RC3H1: variants seen among roughly 807,000 people sequenced by gnomAD.
RC3H1 encodes the protein roquin-1.
In RC3H1, 50 loss-of-function variants were observed where a neutral mutation model predicts 138.2. The observed-to-expected ratio is 0.36, with a 90% CI of 0.29 to 0.46. The LOEUF (loss-of-function observed/expected upper bound fraction) is 0.46, where lower values mean the gene tolerates loss of function less well. Among genes scored for constraint, RC3H1 ranks in the 20% least tolerant of loss-of-function variants. The pLI, the probability that RC3H1 is intolerant of heterozygous loss-of-function variation, is 1.00. For missense variants in RC3H1, 1,031 were observed against 1,388.1 expected, an observed-to-expected ratio of 0.74 and a Z score of 4.09; for synonymous variants, 462 against 489.1, an observed-to-expected ratio of 0.94 and a Z score of 0.73.
intron 2 of RC3H1, among the ~76,000 whole-genome samples, chr1:173,988,231 C>A (rs568795495): frequency 6.6e-6 from 1 of 151,922 alleles, no homozygotes; most frequent in African/African-American, 2.4e-5. Context: ...CCAATTCTAT[C>A]CTCCCTCCCT....
chr1:173,958,763 T>C (rs1382617709), intron 13 of RC3H1, among the ~76,000 whole-genome samples: 1 of 152,108 alleles, frequency 6.6e-6, no homozygotes, highest in African/African-American at 2.4e-5. Context: ...ATTATGGTTA[T>C]TGCCCTGTGA....
At chr1:174,010,500 G>A (rs146438643) in intron 1 of RC3H1, among the ~76,000 whole-genome samples, 10,893 of 151,958 alleles carry the variant, frequency 0.072, 1,353 homozygotes, top group African/African-American at 0.25. Flanking sequence ...CTGCAGCCTC[G>A]ACCTCCCAGG....
chr1:173,962,012 A>C lies in RC3H1; in HGVS notation c.1915T>G (p.Leu639Val), dbSNP rs1210454826. ...PSAPEPAPPY[L>V]DHYPPYLQER... Reference sequence around the variant, plus strand: ...TGGAGGTAGGGTGGATAATGATCCAAGTAGGGAGGAGCAGGTTCAGGAGCA... The same window carrying C: ...TGGAGGTAGGGTGGATAATGATCCACGTAGGGAGGAGCAGGTTCAGGAGCA... Residue 639 changes from leucine to valine, a missense_variant, in exon 12 of 20, where the codon TTG becomes GTG. Physicochemically the swap from Leu to Val is conservative, Grantham distance 32. Around this residue, in one of 7 missense-constraint regions of RC3H1, gnomAD observed 716 missense variants for 837.9 expected, o/e 0.85. Coordinates refer to ENST00000367696, the MANE Select transcript of RC3H1 (RefSeq NM_172071.4). 9.3e-6 allele frequency: 15 copies of C among 1,613,994 alleles called. No individual in the cohort carries two copies. Among genetic ancestry groups the C allele is most frequent in the Non-Finnish European group, 1.2e-5 (14 of 1,180,030 alleles).
intron 4 of RC3H1, 117 bp downstream of exon 4, chr1:173,983,301 A>G (rs1157820841): frequency 1.4e-5 from 18 of 1,249,348 alleles, no homozygotes; most frequent in Non-Finnish European, 1.6e-5. Flanking sequence ...ATCAAACAAG[A>G]TATTAGTTGG....
At chr1:173,961,340 T>C (rs1394038188) in intron 12 of RC3H1, 96 bp from the exon 13 acceptor site, 1 of 1,067,922 alleles carries the variant, frequency 9.4e-7, no homozygotes. Flanking sequence ...ATGAAACAGC[T>C]TGTATACCCT....
intron 13 of RC3H1, among the ~76,000 whole-genome samples, chr1:173,957,506 T>C (rs539044598): frequency 1.3e-5 from 2 of 152,212 alleles, no homozygotes; most frequent in African/African-American, 4.8e-5. Flanking sequence ...AGTTCCAGGG[T>C]GTACTCTAAT....
At chr1:173,998,929 T>C (rs777110793) in intron 1 of RC3H1, among the ~76,000 whole-genome samples, 12 of 151,720 alleles carry the variant, frequency 7.9e-5, no homozygotes, top group Non-Finnish European at 1.5e-4. Flanking sequence ...CTTGTCTCTA[T>C]AAGCAAAATA....
intron 1 of RC3H1, among the ~76,000 whole-genome samples, chr1:174,015,331 T>G (rs991055126): frequency 6.6e-6 from 1 of 151,718 alleles, no homozygotes; most frequent in African/African-American, 2.4e-5. Flanking sequence ...AGCTAAGAAT[T>G]TAGTGATTCT....
At position 173,943,468 on chromosome 1, in the gene RC3H1, C is replaced by G. The variant is rs765577379; in HGVS notation, c.3109G>C (p.Gly1037Arg). The G allele has an allele frequency of 1.1e-5, 18 of 1,613,842 alleles. No homozygotes were observed. The highest frequency in any genetic ancestry group is 1.5e-5 in the Non-Finnish European group (18 of 1,179,848). ...ATACTCAGTTCCCGTGTTCTCTTCC[C>G]GATTTCCCTTTCCACCTGGTGCAGT... is the stretch of plus-strand genomic sequence containing the variant. ...LELHQVEREI[G>R]KRTRELSMEN... The change falls in exon 18 of 20, where the codon GGG (glycine) becomes CGG (arginine). Residue 1037 changes from glycine to arginine, a missense_variant. Gly to Arg is a moderately radical substitution (Grantham distance 125). Around this residue, in one of 7 missense-constraint regions of RC3H1, gnomAD observed 716 missense variants for 837.9 expected, o/e 0.85. Coordinates refer to ENST00000367696, the MANE Select transcript of RC3H1 (RefSeq NM_172071.4).
At chr1:173,984,125 C>T (rs568344066) in intron 3 of RC3H1, among the ~76,000 whole-genome samples, 1 of 152,236 alleles carries the variant, frequency 6.6e-6, no homozygotes, top group South Asian at 2.1e-4. Context: ...GAAGGCAAAC[C>T]ATTCAGAATT....
chr1:173,950,900 G>T (rs1452783372), intron 14 of RC3H1, among the ~76,000 whole-genome samples: 2 of 151,898 alleles, frequency 1.3e-5, no homozygotes, highest in African/African-American at 4.8e-5. Flanking sequence ...GCTGGGTGTG[G>T]TAGCAAGCAC....
intron 1 of RC3H1, among the ~76,000 whole-genome samples, chr1:174,001,228 A>C (rs1287706611): frequency 6.6e-6 from 1 of 152,218 alleles, no homozygotes; most frequent in Non-Finnish European, 1.5e-5. Context: ...AGAAGTAGTA[A>C]GAAAGGACAA....
intron 1 of RC3H1, among the ~76,000 whole-genome samples, chr1:174,006,895 A>C (rs1661661739): frequency 6.6e-6 from 1 of 152,210 alleles, no homozygotes; most frequent in South Asian, 2.1e-4. Flanking sequence ...AAGATGAAGT[A>C]TAACATACAT....
intron 1 of RC3H1, among the ~76,000 whole-genome samples, chr1:174,008,976 GAAAAAAAAAA>G (rs59047478): frequency 1.2e-5 from 1 of 84,242 alleles, no homozygotes; most frequent in African/African-American, 3.8e-5. Flanking sequence ...GACTTTGTCT[GAAAAAAAAAA>G]AAAAAAAAAA....
At chr1:173,952,695 T>G (rs908596564) in intron 13 of RC3H1, among the ~76,000 whole-genome samples, 11 of 152,194 alleles carry the variant, frequency 7.2e-5, no homozygotes, top group African/African-American at 2.7e-4. Context: ...GTTGATTCAA[T>G]GAGATGAAAA....
At chr1:173,960,596 T>C (rs1659829964) in intron 13 of RC3H1, among the ~76,000 whole-genome samples, 1 of 152,194 alleles carries the variant, frequency 6.6e-6, no homozygotes. Context: ...ACAGATCTGA[T>C]GTAATCCTAA....
At chr1:173,945,327 T>A (rs1175175025) in intron 17 of RC3H1, among the ~76,000 whole-genome samples, 1 of 152,166 alleles carries the variant, frequency 6.6e-6, no homozygotes, top group Non-Finnish European at 1.5e-5. Context: ...GATTTTGCCA[T>A]GTTGCCCAGG....
Position 173,938,495 on chromosome 1 carries a change from G to T in RC3H1, c.*226C>A. 1 of 340,696 alleles carries T rather than the reference G, an allele frequency of 2.9e-6. No homozygotes were observed. Among genetic ancestry groups the T allele is most frequent in the Non-Finnish European group, 5.2e-6 (1 of 190,522 alleles). The allele number at this position is 340,696 out of a possible 1,614,324, so 21.1% of individuals were successfully genotyped here. A position where few individuals can be genotyped will look rare whatever the true frequency, so the allele number is the denominator to read the frequency against. ...AAAACAAATTTAATCTGAATTGCTTGCAGATACTGCTAATTTTCTTTTTCT... is the reference window on the plus strand; with the variant it reads ...AAAACAAATTTAATCTGAATTGCTTTCAGATACTGCTAATTTTCTTTTTCT... On this transcript the variant is annotated 3_prime_UTR_variant, in exon 20 of 20. Coordinates refer to ENST00000367696, the MANE Select transcript of RC3H1 (RefSeq NM_172071.4).
rs966373928 is a variant in RC3H1, at chr1:173,936,318, GAGA to G, written c.*2400_*2402del. On this transcript the variant is annotated 3_prime_UTR_variant, in exon 20 of 20. Transcript: ENST00000367696. ...TTAGGATGATCTGACATACCCAAAGGAGAAGATCAGTCCAAATCTGCTTATAAG... is the reference window on the plus strand; with the variant it reads ...TTAGGATGATCTGACATACCCAAAGGAGATCAGTCCAAATCTGCTTATAAG... 6.6e-6 allele frequency: 1 copy of G among 151,800 alleles called. No individual in the cohort carries two copies. Among genetic ancestry groups the G allele is most frequent in the Non-Finnish European group, 1.5e-5 (1 of 67,982 alleles). The allele number at this position is 151,800 out of a possible 1,614,324, so 9.4% of individuals were successfully genotyped here. A position where few individuals can be genotyped will look rare whatever the true frequency, so the allele number is the denominator to read the frequency against.
Sources: gnomAD v4.1 joint callset for allele counts (sites outside exome capture counted in the v4.1 genomes callset) on GRCh38, gnomAD v4.1.1 for gene constraint, gnomAD v4.1.1 regional missense constraint, MANE v1.5 for transcripts, NCBI Gene and HGNC (gene_info 2026-07-23, HGNC 2026-07-21) for gene names.